Variants in CRB1 observed in about 807,000 individuals in gnomAD.
The protein encoded by CRB1 is protein crumbs homolog 1.
In CRB1, 83 loss-of-function variants were observed where a neutral mutation model predicts 120.0. That is an observed-to-expected ratio of 0.69 (90% CI 0.58 to 0.83). The LOEUF (loss-of-function observed/expected upper bound fraction) is 0.83. Among genes scored for constraint, CRB1 ranks in the 40% least tolerant of loss-of-function variants. CRB1 has a pLI of 0.00. For missense variants in CRB1, 1,699 were observed against 1,687.6 expected, an observed-to-expected ratio of 1.01 and a Z score of -0.12; for synonymous variants, 625 against 612.5, an observed-to-expected ratio of 1.02 and a Z score of -0.30.
At position 197,347,463 on chromosome 1, in the gene CRB1, T is replaced by G. The variant is rs772651388; in HGVS notation, c.972T>G (p.Thr324=). ...GTGAGGACAGTGTTGACAATTACAC[T>G]TGTCACTGCTGGCCTGGTGAGTGAC... ...ATCEDSVDNY[T]CHCWPGYTGA... The change falls in exon 4 of 12, where the codon ACT becomes ACG. Residue 324 remains threonine, a synonymous_variant. Transcript: ENST00000367400. The G allele has an allele frequency of 6.2e-7, 1 of 1,614,188 alleles. No individual in the cohort carries two copies. Among genetic ancestry groups the G allele is most frequent in the Non-Finnish European group, 8.5e-7 (1 of 1,180,014 alleles).
chr1:197,460,001 CTTTTTTTTTT>C (rs10679172), intron 11 of CRB1, among the ~76,000 whole-genome samples: 2 of 75,614 alleles, frequency 2.6e-5, no homozygotes, highest in Non-Finnish European at 5.0e-5. Flanking sequence ...AAGCCCCCCT[CTTTTTTTTTT>C]TTTTTTTTTT....
intron 11 of CRB1, among the ~76,000 whole-genome samples, chr1:197,452,836 G>GA (rs1464459202): frequency 6.6e-6 from 1 of 152,036 alleles, no homozygotes; most frequent in East Asian, 1.9e-4. Context: ...ATTAAAAATA[G>GA]AACTATCATA....
At chr1:197,283,747 G>A (rs1242080061) in intron 1 of CRB1, among the ~76,000 whole-genome samples, 2 of 151,306 alleles carry the variant, frequency 1.3e-5, no homozygotes, top group Non-Finnish European at 3.0e-5. Context: ...TTTTGTTATA[G>A]GTTCTACATT....
intron 5 of CRB1, among the ~76,000 whole-genome samples, chr1:197,390,555 A>G (rs563556054): frequency 2.0e-5 from 3 of 152,164 alleles, no homozygotes; most frequent in East Asian, 1.9e-4. Flanking sequence ...CAGGGCTCCA[A>G]GGTTTGACCC....
intron 11 of CRB1, among the ~76,000 whole-genome samples, chr1:197,468,789 G>C (rs1003649197): frequency 6.6e-6 from 1 of 152,228 alleles, no homozygotes; most frequent in African/African-American, 2.4e-5. Context: ...TGCTGTGTAA[G>C]AGTTACAGGT....
At position 197,477,823 on chromosome 1, in the gene CRB1, T is replaced by C. The variant is rs1015110520; in HGVS notation, c.4165T>C (p.Ser1389Pro). 3.7e-6 allele frequency: 6 copies of C among 1,613,824 alleles called. No individual in the cohort carries two copies. The highest frequency in any genetic ancestry group is 3.3e-5 in the Admixed American group (2 of 59,960). ...YSPSRQEKEGSRVEMWNLMPP... is the reference protein window; with the variant it reads ...YSPSRQEKEGPRVEMWNLMPP... ...CCCCAGCCGTCAGGAGAAGGAGGGC[T>C]CCCGAGTGGAAATGTGGAACTTGAT... Residue 1389 changes from serine (S) to proline (P), a missense_variant, in exon 12 of 12, where the codon TCC (serine) becomes CCC (proline). Ser to Pro is a moderately conservative substitution (Grantham distance 74, BLOSUM62 -1). Transcript: ENST00000367400.
At chr1:197,368,250 C>A (rs186072152) in intron 5 of CRB1, among the ~76,000 whole-genome samples, 69 of 152,156 alleles carry the variant, frequency 4.5e-4, no homozygotes, top group African/African-American at 1.6e-3. Flanking sequence ...GAATATAAAT[C>A]CTAGGACTCT....
chr1:197,218,535 C>T, the CRB1 span, among the ~76,000 whole-genome samples: 2 of 152,164 alleles, frequency 1.3e-5, no homozygotes, highest in African/African-American at 4.8e-5. Flanking sequence ...TATTGATGAC[C>T]TCTATTCTGG....
At chr1:197,273,715 G>T (rs1413677329) in intron 1 of CRB1, among the ~76,000 whole-genome samples, 1 of 151,946 alleles carries the variant, frequency 6.6e-6, no homozygotes, top group East Asian at 1.9e-4. Flanking sequence ...TGGCCTGTGG[G>T]AGTTCTTTTC....
At chr1:197,352,575 A>G (rs2125342633) in intron 4 of CRB1, among the ~76,000 whole-genome samples, 1 of 152,332 alleles carries the variant, frequency 6.6e-6, no homozygotes, top group South Asian at 2.1e-4. Context: ...GTATGAAATA[A>G]TAATATTCAA....
At chr1:197,305,114 T>C (rs1657088565) in intron 1 of CRB1, among the ~76,000 whole-genome samples, 2 of 152,176 alleles carry the variant, frequency 1.3e-5, no homozygotes, top group Non-Finnish European at 2.9e-5. Context: ...TATGTCCTGC[T>C]CTGAAACCTG....
rs1659642467 is a variant in CRB1, at chr1:197,344,315, G to A, written c.687G>A (p.Trp229Ter). The change falls in exon 3 of 12, where the codon TGG (tryptophan) becomes TGA (stop). Residue 229 changes from tryptophan to a stop codon, truncating the protein, a stop_gained. Coordinates refer to ENST00000367400, the MANE Select transcript of CRB1 (RefSeq NM_201253.3). LOFTEE classifies it high-confidence loss of function. The stretch of plus-strand genomic sequence containing the variant: ...GTGAATTGGAAATTGACGAATGTTG[G>A]TCCCAGCCTTGTTTAAATGGTGCAA... ...VNCELEIDEC[W>*]SQPCLNGATC... 2 of 1,614,078 alleles carry A rather than the reference G, an allele frequency of 1.2e-6. No homozygotes were observed. The highest frequency in any genetic ancestry group is 1.7e-6 in the Non-Finnish European group (2 of 1,180,006).
At chr1:197,428,947 A>G (rs1274332774) in intron 7 of CRB1, 2 of 1,518,884 alleles carry the variant, frequency 1.3e-6, no homozygotes, top group East Asian at 4.9e-5. Context: ...TGAGAACTCA[A>G]ATAATAATAC....
intron 4 of CRB1, among the ~76,000 whole-genome samples, chr1:197,348,658 A>G (rs1369671283): frequency 1.3e-5 from 2 of 151,858 alleles, no homozygotes; most frequent in African/African-American, 4.8e-5. Context: ...TTGTATTTTT[A>G]GTAGAGACGG....
chr1:197,311,428 G>A (rs182819721), intron 1 of CRB1, among the ~76,000 whole-genome samples: 5 of 152,290 alleles, frequency 3.3e-5, no homozygotes, highest in African/African-American at 1.2e-4. Flanking sequence ...CAAACGTTCC[G>A]TTGTAAGATG....
intron 5 of CRB1, among the ~76,000 whole-genome samples, chr1:197,412,770 T>C (rs1316144523): frequency 6.6e-6 from 1 of 152,232 alleles, no homozygotes; most frequent in Non-Finnish European, 1.5e-5. Context: ...TGCACTCACA[T>C]AGTGGCAGTC....
Position 197,468,712 on chromosome 1 carries a change from A to G in CRB1, c.4006-8952A>G, listed in dbSNP as rs567268320. Among the ~76,000 whole-genome samples, 3 of 152,332 alleles carry G rather than the reference A, an allele frequency of 2.0e-5. No individual in the cohort carries two copies. The East Asian group carries it at 5.8e-4, about 29-fold the overall frequency. On this transcript the variant is annotated intron_variant, in intron 11 of 11. Coordinates refer to ENST00000367400, the MANE Select transcript of CRB1 (RefSeq NM_201253.3). ...CACATTGAACAACAGCTACACATTC[A>G]TGCGCATATGTTATGCCAGGCAGGC...
the CRB1 span, among the ~76,000 whole-genome samples, chr1:197,214,783 G>A: frequency 6.6e-6 from 1 of 151,718 alleles, no homozygotes; most frequent in Non-Finnish European, 1.5e-5. Context: ...TTCTCAAACT[G>A]TTCCAAAAAC....
chr1:197,415,886 C>T (rs1157185980), intron 5 of CRB1, among the ~76,000 whole-genome samples: 1 of 152,106 alleles, frequency 6.6e-6, no homozygotes, highest in Non-Finnish European at 1.5e-5. Flanking sequence ...TCGTGATCCG[C>T]CCACCTCGGC....
Sources: gnomAD v4.1 joint callset for allele counts (sites outside exome capture counted in the v4.1 genomes callset) on GRCh38, gnomAD v4.1.1 for gene constraint, MANE v1.5 for transcripts, NCBI Gene and HGNC (gene_info 2026-07-23, HGNC 2026-07-21) for gene names.